AKR1C3: variants seen among roughly 807,000 people sequenced by gnomAD.
AKR1C3 encodes the protein 3-alpha hydroxysteroid dehydrogenase, type II.
Under a neutral mutation model 43.6 loss-of-function variants are expected in AKR1C3, and 48 were observed. That is an observed-to-expected ratio of 1.10 (90% confidence interval 0.87 to 1.40). AKR1C3 has a LOEUF of 1.40. AKR1C3 is among the 40% of genes most tolerant of loss of function. The pLI is 0.00. For synonymous variants in AKR1C3, 162 were observed against 139.6 expected (o/e 1.16, Z -1.13); for missense variants, 482 against 391.2 (o/e 1.23, Z -1.96).
Position 5,094,517 on chromosome 10 carries a change from G to A in AKR1C3, c.73G>A (p.Ala25Thr), listed in dbSNP as rs1307381149. 1 of 1,612,586 alleles carries A rather than the reference G, an allele frequency of 6.2e-7. No individual in the cohort carries two copies. Among genetic ancestry groups the A allele is most frequent in the African/African-American group, 1.3e-5 (1 of 74,818 alleles). The change falls in exon 1 of 9, where the codon GCA (alanine) becomes ACA (threonine). Residue 25 changes from alanine (A) to threonine (T), a missense_variant. Transcript: ENST00000380554. ...GCCTGTATTGGGATTTGGCACCTATGCACCTCCAGAGGTAAGAATAATTCC... is the reference window on the plus strand; with the variant it reads ...GCCTGTATTGGGATTTGGCACCTATACACCTCCAGAGGTAAGAATAATTCC... The part of the protein sequence containing the change: ...FMPVLGFGTY[A>T]PPEVPRSKAL...
chr10:5,059,945 TTTTTC>T (rs1381095696), intron 1 of AKR1C3, among the ~76,000 whole-genome samples: 1 of 152,004 alleles, frequency 6.6e-6, no homozygotes, highest in Non-Finnish European at 1.5e-5. Context: ...TGTCTGGAGT[TTTTTC>T]CTTCTGATGT....
At chr10:5,077,791 T>G in intron 1 of AKR1C3, 1 of 781,510 alleles carries the variant, frequency 1.3e-6, no homozygotes, top group Non-Finnish European at 1.8e-6. Context: ...AACATGTTCC[T>G]TGAGGTTGAA....
intron 7 of AKR1C3, among the ~76,000 whole-genome samples, chr10:5,102,999 C>T (rs1309723091): frequency 1.3e-5 from 2 of 150,536 alleles, no homozygotes; most frequent in African/African-American, 4.9e-5. Flanking sequence ...GGATGATTCT[C>T]CTGCCTCAGC....
At chr10:5,102,394 G>A (rs573738621) in intron 6 of AKR1C3, 91 bp from the exon 7 acceptor site, 19 of 1,543,116 alleles carry the variant, frequency 1.2e-5, no homozygotes, top group Middle Eastern at 2.3e-4. Context: ...GAGAAGCTCC[G>A]GTGCAGAGTG....
intron 1 of AKR1C3, among the ~76,000 whole-genome samples, chr10:5,053,119 GC>G (rs1417578606): frequency 1.3e-5 from 2 of 152,270 alleles, no homozygotes; most frequent in Non-Finnish European, 1.5e-5. Context: ...AGGTGGAGCT[GC>G]CTGCCAGTCC....
At chr10:5,106,427 T>C (rs1554787252) in intron 8 of AKR1C3, among the ~76,000 whole-genome samples, 3 of 152,192 alleles carry the variant, frequency 2.0e-5, no homozygotes, top group African/African-American at 4.8e-5. Context: ...CTAGGATTCA[T>C]AGACGGTCAT....
At chr10:5,055,834 C>G (rs1263480254) in intron 1 of AKR1C3, among the ~76,000 whole-genome samples, 1 of 152,192 alleles carries the variant, frequency 6.6e-6, no homozygotes, top group Non-Finnish European at 1.5e-5. Context: ...ATAGAAGGGC[C>G]TGGCTATCTT....
intron 8 of AKR1C3, among the ~76,000 whole-genome samples, chr10:5,106,687 G>T (rs1839507632): frequency 6.6e-6 from 1 of 151,866 alleles, no homozygotes; most frequent in African/African-American, 2.4e-5. Flanking sequence ...GGAGGCAAAG[G>T]ATGCAGCAGT....
chr10:5,098,347 A>C (rs1414397452), intron 3 of AKR1C3, among the ~76,000 whole-genome samples: 3 of 152,154 alleles, frequency 2.0e-5, no homozygotes, highest in African/African-American at 7.2e-5. Context: ...ACCATAAGAC[A>C]ACTCCTCTGG....
rs202115742 is a variant in AKR1C3, at chr10:5,083,989, G to A, written c.85-12421G>A. On this transcript the variant is annotated intron_variant, in intron 1 of 8. Coordinates refer to the AKR1C3 transcript ENST00000439082. ...GATTCTGGATATTAGCCCTTTGTCA[G>A]ATAAGTAGGCTGCAAAAATTTTCTC... Among the ~76,000 whole-genome samples the A allele has an allele frequency of 9.8e-5, 15 of 152,302 alleles. No homozygotes were observed. The East Asian group carries it at 2.7e-3, about 27-fold the overall frequency.
chr10:5,093,143 C>A (rs782013054), upstream of AKR1C3, among the ~76,000 whole-genome samples: 1 of 152,094 alleles, frequency 6.6e-6, no homozygotes, highest in East Asian at 1.9e-4. Context: ...ATGGGTTAGA[C>A]GGACTATTGC....
intron 1 of AKR1C3, among the ~76,000 whole-genome samples, chr10:5,070,757 A>G (rs1007903675): frequency 6.6e-6 from 1 of 152,200 alleles, no homozygotes; most frequent in Admixed American, 6.5e-5. Context: ...GAGGACAGCT[A>G]TCTATGAGTC....
chr10:5,106,949 A>G (rs1588363869), intron 8 of AKR1C3, among the ~76,000 whole-genome samples: 2 of 152,166 alleles, frequency 1.3e-5, no homozygotes, highest in South Asian at 4.1e-4. Context: ...AGAAAGGAAG[A>G]GTAGCGAGCA....
chr10:5,107,620 G>A lies in AKR1C3; in HGVS notation c.*117G>A, dbSNP rs587774943. The A allele has an allele frequency of 2.0e-5, 15 of 748,248 alleles. No individual in the cohort carries two copies. Among genetic ancestry groups the A allele is most frequent in the East Asian group, 1.1e-4 (4 of 36,886 alleles). The allele number at this position is 748,248 out of a possible 1,614,324, so 46.4% of individuals were successfully genotyped here. On this transcript the variant is annotated 3_prime_UTR_variant, in exon 9 of 9. Coordinates refer to ENST00000380554, the MANE Select transcript of AKR1C3 (RefSeq NM_003739.6). ...TCTACTTAAATCCGTCCTGTTTAGCGACTTCAGTCAACTACAGCTGAGTCC... is the reference window on the plus strand; with the variant it reads ...TCTACTTAAATCCGTCCTGTTTAGCAACTTCAGTCAACTACAGCTGAGTCC...
In AKR1C3 at chr10:5,083,861, G is replaced by T. The variant is rs374250457; in HGVS notation, c.85-12549G>T. On this transcript the variant is annotated intron_variant, in intron 1 of 8. Transcript: ENST00000439082. Reference sequence around the variant, plus strand: ...GAGCATTTTTTCATGTATTTTTTGGGTGCATAAATGTCTTCTTTTGAGAAG... The same window carrying T: ...GAGCATTTTTTCATGTATTTTTTGGTTGCATAAATGTCTTCTTTTGAGAAG... Among the ~76,000 whole-genome samples, 47 of 152,138 alleles carry T rather than the reference G, an allele frequency of 3.1e-4. No individual in the cohort carries two copies. The East Asian group carries it at 5.0e-3, about 16-fold the overall frequency.
intron 5 of AKR1C3, among the ~76,000 whole-genome samples, chr10:5,100,319 TTTATGGAGG>T (rs1353248739): frequency 6.6e-6 from 1 of 152,042 alleles, no homozygotes; most frequent in African/African-American, 2.4e-5. Context: ...AAATTACCTG[TTTATGGAGG>T]TAACTGTTCA....
intron 1 of AKR1C3, among the ~76,000 whole-genome samples, chr10:5,052,601 A>C (rs1037252248): frequency 6.6e-6 from 1 of 151,564 alleles, no homozygotes; most frequent in African/African-American, 2.4e-5. Flanking sequence ...CGATTGGTAC[A>C]TTCACAAAAC....
At chr10:5,050,016 A>G (rs1554778796) in intron 1 of AKR1C3, among the ~76,000 whole-genome samples, 2 of 136,342 alleles carry the variant, frequency 1.5e-5, no homozygotes, top group African/African-American at 5.9e-5. Context: ...GATACTGCCC[A>G]TGTGGCCGCA....
rs374954321 is a variant in AKR1C3, at chr10:5,085,905, A to T, written c.85-10505A>T. ...TCTCTGATGGTAGTTTGTATTTCTG[A>T]GGGATCGGTGGTGATATCCCCTTTA... On this transcript the variant is annotated intron_variant, in intron 1 of 8. Coordinates refer to the AKR1C3 transcript ENST00000439082. Among the ~76,000 whole-genome samples the T allele has an allele frequency of 4.1e-3, 617 of 151,860 alleles. 20 individuals carry two copies. Among genetic ancestry groups the T allele is most frequent in the African/African-American group, 0.014 (568 of 41,228 alleles).
Sources: allele counts gnomAD v4.1 joint callset (sites outside exome capture counted in the v4.1 genomes callset), GRCh38; gene constraint gnomAD v4.1.1; transcripts MANE v1.5; gene names NCBI Gene and HGNC (gene_info 2026-07-23, HGNC 2026-07-21).